TTC28: variants seen among roughly 807,000 people sequenced by gnomAD.
The protein encoded by TTC28 is tetratricopeptide repeat domain 28.
In TTC28, 61 loss-of-function variants were observed where a neutral mutation model predicts 198.0. The observed-to-expected ratio is 0.31, with a 90% confidence interval of 0.25 to 0.38. The LOEUF (loss-of-function observed/expected upper bound fraction) is 0.38. Among genes scored for constraint, TTC28 ranks in the 10% least tolerant of loss-of-function variants. TTC28 has a pLI of 1.00. For missense variants in TTC28, 2,678 were observed against 3,164.0 expected (o/e 0.85, Z 3.69); for synonymous variants, 1,171 against 1,297.8 (o/e 0.90, Z 2.10).
At chr22:28,095,089 C>A (rs1268111892) in intron 11 of TTC28, among the ~76,000 whole-genome samples, 2 of 152,104 alleles carry the variant, frequency 1.3e-5, no homozygotes, top group Non-Finnish European at 2.9e-5. Flanking sequence ...TGATACCTCC[C>A]AGTCATCAAC....
At chr22:28,218,061 T>C (rs1011950164) in intron 5 of TTC28, among the ~76,000 whole-genome samples, 2 of 152,234 alleles carry the variant, frequency 1.3e-5, no homozygotes, top group African/African-American at 2.4e-5. Flanking sequence ...AATTGGAAAA[T>C]AGATGATGTG....
intron 2 of TTC28, among the ~76,000 whole-genome samples, chr22:28,371,107 T>C (rs954235565): frequency 2.6e-5 from 4 of 152,194 alleles, no homozygotes; most frequent in African/African-American, 7.2e-5. Flanking sequence ...GTAGCTTGCA[T>C]GTCTGTACAG....
chr22:28,085,332 T>C (rs1266518549), intron 12 of TTC28, among the ~76,000 whole-genome samples: 8 of 152,048 alleles, frequency 5.3e-5, no homozygotes, highest in Admixed American at 2.0e-4. Flanking sequence ...ACTCTACAAG[T>C]CAGAAGAGAG....
At chr22:28,645,320 T>C (rs2051441899) in intron 1 of TTC28, among the ~76,000 whole-genome samples, 1 of 151,230 alleles carries the variant, frequency 6.6e-6, no homozygotes, top group Non-Finnish European at 1.5e-5. Flanking sequence ...GCAAACCAAA[T>C]CCAACAGTAC....
At chr22:28,500,469 C>T (rs1450915169) in intron 2 of TTC28, among the ~76,000 whole-genome samples, 1 of 152,130 alleles carries the variant, frequency 6.6e-6, no homozygotes, top group Non-Finnish European at 1.5e-5. Flanking sequence ...ATGTTGAGTA[C>T]ATGTAATAAT....
intron 2 of TTC28, among the ~76,000 whole-genome samples, chr22:28,544,563 G>A (rs1196236502): frequency 6.6e-6 from 1 of 152,090 alleles, no homozygotes; most frequent in Non-Finnish European, 1.5e-5. Context: ...GGCTATGACC[G>A]GCTGGGCTGC....
chr22:28,323,196 A>G (rs929720167), intron 2 of TTC28, among the ~76,000 whole-genome samples: 2 of 152,182 alleles, frequency 1.3e-5, no homozygotes, highest in Non-Finnish European at 2.9e-5. Flanking sequence ...TAACTCTTCA[A>G]TGCACAGACA....
At chr22:28,020,035 G>T (rs1452291287) in intron 13 of TTC28, among the ~76,000 whole-genome samples, 5 of 152,234 alleles carry the variant, frequency 3.3e-5, no homozygotes, top group Non-Finnish European at 7.3e-5. Context: ...GAGAGCAAGA[G>T]ACCTGCACAA....
At chr22:28,081,348 T>C (rs1001282239) in intron 12 of TTC28, among the ~76,000 whole-genome samples, 4 of 152,060 alleles carry the variant, frequency 2.6e-5, no homozygotes, top group African/African-American at 7.2e-5. Flanking sequence ...ACTCAGCTAA[T>C]TGTAATAATA....
At chr22:28,520,083 A>C (rs1568994922) in intron 2 of TTC28, among the ~76,000 whole-genome samples, 2 of 152,228 alleles carry the variant, frequency 1.3e-5, no homozygotes, top group Non-Finnish European at 2.9e-5. Context: ...CAGTTTCTAT[A>C]GTTCCAAATG....
At chr22:28,089,839 T>C (rs1304864186) in intron 12 of TTC28, among the ~76,000 whole-genome samples, 1 of 151,104 alleles carries the variant, frequency 6.6e-6, no homozygotes. Context: ...CTGGAAACTA[T>C]CATTCTCAGC....
intron 2 of TTC28, among the ~76,000 whole-genome samples, chr22:28,322,031 C>T (rs1296627162): frequency 6.6e-6 from 1 of 152,094 alleles, no homozygotes; most frequent in African/African-American, 2.4e-5. Context: ...AGGGTTTCAC[C>T]ATATTGGCCA....
chr22:28,114,658 C>T (rs1239095067), intron 6 of TTC28, among the ~76,000 whole-genome samples: 1 of 151,326 alleles, frequency 6.6e-6, no homozygotes, highest in Non-Finnish European at 1.5e-5. Context: ...TGGCTCACTG[C>T]AGCCTCAATC....
At chr22:28,264,348 G>C (rs1208368762) in intron 5 of TTC28, among the ~76,000 whole-genome samples, 1 of 152,150 alleles carries the variant, frequency 6.6e-6, no homozygotes, top group East Asian at 1.9e-4. Flanking sequence ...GGAACTGTGA[G>C]TCCATTAAAC....
At position 28,614,673 on chromosome 22, in the gene TTC28, G is replaced by T. The variant is rs140710341; in HGVS notation, c.381+14879C>A. On this transcript the variant is annotated intron_variant, in intron 2 of 22. Transcript: ENST00000397906. ...CAGCCATCTGATCTTTGACAAACCT[G>T]ACAGCAACAAGCAATGGGGGAAGGA... 7.0e-3 allele frequency among the ~76,000 whole-genome samples: 1,060 copies of T among 152,280 alleles called. 12 individuals carry two copies. Among genetic ancestry groups the T allele is most frequent in the African/African-American group, 0.025 (1,023 of 41,536 alleles).
intron 2 of TTC28, among the ~76,000 whole-genome samples, chr22:28,428,499 A>G (rs1310404782): frequency 2.0e-5 from 3 of 152,148 alleles, no homozygotes; most frequent in Non-Finnish European, 4.4e-5. Context: ...CTGTATTGCA[A>G]TAATTCATTT....
At chr22:28,350,903 C>G (rs2045984774) in intron 2 of TTC28, among the ~76,000 whole-genome samples, 1 of 152,166 alleles carries the variant, frequency 6.6e-6, no homozygotes, top group African/African-American at 2.4e-5. Flanking sequence ...CACTTCTCGG[C>G]CGGGCGCAGT....
intron 2 of TTC28, among the ~76,000 whole-genome samples, chr22:28,370,669 A>C (rs1367924058): frequency 6.6e-6 from 1 of 152,210 alleles, no homozygotes; most frequent in Non-Finnish European, 1.5e-5. Context: ...AAGAAAGGTA[A>C]AGATACAGAG....
chr22:28,641,818 T>C (rs751284804), intron 1 of TTC28, among the ~76,000 whole-genome samples: 2 of 152,124 alleles, frequency 1.3e-5, no homozygotes, highest in Non-Finnish European at 2.9e-5. Context: ...AGAGTAAATA[T>C]ATGAGTAAAT....
Sources: gnomAD v4.1 joint callset for allele counts (sites outside exome capture counted in the v4.1 genomes callset) on GRCh38, gnomAD v4.1.1 for gene constraint, MANE v1.5 for transcripts, NCBI Gene and HGNC (gene_info 2026-07-23, HGNC 2026-07-21) for gene names.